The following DAB1 variants were observed in gnomAD, a reference collection of about 807,000 sequenced individuals.
DAB1 encodes DAB adaptor protein 1.
In DAB1, 15 loss-of-function variants were observed where a neutral mutation model predicts 64.6. The observed-to-expected ratio is 0.23, with a 90% CI of 0.16 to 0.36. The LOEUF is 0.36. Ranked by LOEUF, DAB1 falls within the 10% of genes least tolerant of loss-of-function variation. The pLI, the probability that DAB1 is intolerant of heterozygous loss-of-function variation, is 1.00. For missense variants in DAB1, 596 were observed against 706.7 expected, an observed-to-expected ratio of 0.84 and a Z score of 1.78; for synonymous variants, 235 against 251.9, an observed-to-expected ratio of 0.93 and a Z score of 0.64.
In DAB1 at chr1:58,518,349, A is replaced by AGAAGG. The variant is rs757786615; in HGVS notation, n.107+8907_107+8911dup. Among the ~76,000 whole-genome samples, 437 of 59,726 alleles carry AGAAGG rather than the reference A, an allele frequency of 7.3e-3. 44 individuals are homozygous for AGAAGG. Among genetic ancestry groups the AGAAGG allele is most frequent in the African/African-American group, 0.024 (371 of 15,404 alleles). 39.2% of individuals were successfully genotyped at this position (59,726 alleles called of 152,430 possible). A position where few individuals can be genotyped will look rare whatever the true frequency, so the allele number is the denominator to read the frequency against. The stretch of plus-strand genomic sequence containing the variant: ...AGAAGAGAAGAGAAGAGAAGAGAAG[A>AGAAGG]GAAGGGAAGGGAAGAGAAGAGAAGG... On this transcript the variant is annotated intron_variant and non_coding_transcript_variant, in intron 2 of 20. Coordinates refer to the DAB1 transcript ENST00000485760.
intron 5 of DAB1, among the ~76,000 whole-genome samples, chr1:58,131,922 C>T (rs1345157529): frequency 6.6e-6 from 1 of 150,862 alleles, no homozygotes; most frequent in Non-Finnish European, 1.5e-5. Context: ...TTTGTTTGTG[C>T]CCTGCCCCCA....
At chr1:57,478,865 G>C (rs1482378118) in intron 7 of DAB1, among the ~76,000 whole-genome samples, 1 of 151,824 alleles carries the variant, frequency 6.6e-6, no homozygotes, top group African/African-American at 2.4e-5. Context: ...CTCCCAAAGT[G>C]CTGGGATTAC....
intron 2 of DAB1, among the ~76,000 whole-genome samples, chr1:57,196,959 C>T (rs1664672188): frequency 6.6e-6 from 1 of 152,168 alleles, no homozygotes; most frequent in South Asian, 2.1e-4. Context: ...CTTTGTGGGT[C>T]CATTTGATCC....
intron 3 of DAB1, among the ~76,000 whole-genome samples, chr1:58,424,112 T>C (rs1348390266): frequency 6.6e-6 from 1 of 152,174 alleles, no homozygotes; most frequent in Non-Finnish European, 1.5e-5. Flanking sequence ...GGAGAGGCCT[T>C]AGTTCCAAGC....
chr1:57,239,397 T>C (rs897083170), intron 2 of DAB1, among the ~76,000 whole-genome samples: 4 of 152,246 alleles, frequency 2.6e-5, no homozygotes, highest in Admixed American at 1.3e-4. Context: ...AAGCTTCATG[T>C]GGACAAAGAA....
chr1:57,778,361 T>C (rs1198985120), intron 6 of DAB1, among the ~76,000 whole-genome samples: 1 of 151,682 alleles, frequency 6.6e-6, no homozygotes, highest in African/African-American at 2.4e-5. Context: ...CAGTTTGCCA[T>C]CCCTGCTTGA....
intron 2 of DAB1, among the ~76,000 whole-genome samples, chr1:57,285,271 CT>C (rs1360659422): frequency 1.3e-5 from 2 of 151,884 alleles, no homozygotes; most frequent in Non-Finnish European, 2.9e-5. Flanking sequence ...TTCTTTCTTT[CT>C]TTTTTTCTTT....
At chr1:58,164,555 C>A (rs1003019018) in intron 4 of DAB1, among the ~76,000 whole-genome samples, 1 of 152,166 alleles carries the variant, frequency 6.6e-6, no homozygotes, top group African/African-American at 2.4e-5. Flanking sequence ...TAATAGCATC[C>A]TTTTTTAAAA....
rs57570238 is a variant in DAB1 at position 57,687,966 on chromosome 1, G to A, written n.552-38301C>T. On this transcript the variant is annotated intron_variant and non_coding_transcript_variant, in intron 6 of 20. Coordinates refer to the DAB1 transcript ENST00000485760. ...AAATCAAATTATAAAAATCCTAGAAGAAAATCTAGGAAATATCCTTCTCAA... is the reference window on the plus strand; with the variant it reads ...AAATCAAATTATAAAAATCCTAGAAAAAAATCTAGGAAATATCCTTCTCAA... Among the ~76,000 whole-genome samples, 1,096 of 152,178 alleles carry A rather than the reference G, an allele frequency of 7.2e-3. 14 individuals are homozygous for A. The highest frequency in any genetic ancestry group is 0.024 in the African/African-American group (1,013 of 41,540).
intron 5 of DAB1, among the ~76,000 whole-genome samples, chr1:58,110,415 AAACT>A (rs2100649869): frequency 6.6e-6 from 1 of 152,330 alleles, no homozygotes; most frequent in East Asian, 1.9e-4. Flanking sequence ...TGTTAAGGAA[AAACT>A]AACTGATAAT....
chr1:57,319,201 A>G (rs1241136261), intron 1 of DAB1, among the ~76,000 whole-genome samples: 1 of 152,124 alleles, frequency 6.6e-6, no homozygotes, highest in Non-Finnish European at 1.5e-5. Flanking sequence ...CCTTCTCTGG[A>G]AACAGCTTGC....
intron 1 of DAB1, among the ~76,000 whole-genome samples, chr1:57,413,485 T>C (rs766492990): frequency 3.9e-5 from 6 of 152,152 alleles, no homozygotes; most frequent in Non-Finnish European, 7.4e-5. Context: ...CTCATGCCTG[T>C]AATCCCAGCA....
chr1:57,304,057 A>G (rs933759099), intron 1 of DAB1, among the ~76,000 whole-genome samples: 5 of 152,192 alleles, frequency 3.3e-5, no homozygotes, highest in Non-Finnish European at 5.9e-5. Context: ...GTATTGCTAT[A>G]GAGAAATACC....
chr1:57,675,723 CTATT>C (rs1345258390), intron 6 of DAB1, among the ~76,000 whole-genome samples: 1 of 152,112 alleles, frequency 6.6e-6, no homozygotes, highest in Non-Finnish European at 1.5e-5. Context: ...TTTAAATTAA[CTATT>C]TAATAAACTG....
chr1:57,061,014 G>T (rs1337646482), intron 9 of DAB1, among the ~76,000 whole-genome samples: 22 of 152,100 alleles, frequency 1.4e-4, no homozygotes, highest in Admixed American at 1.4e-3. Flanking sequence ...GTGTCATGGG[G>T]GCTGGACCAG....
At position 57,763,276 on chromosome 1, in the gene DAB1, G is replaced by A. The variant is rs556709861; in HGVS notation, n.552-113611C>T. Reference sequence around the variant, plus strand: ...AAGAGGACACTTGGAAAGAGAGTAGGCAAGAGCTTGTGTAGATACATAGCC... The same window carrying A: ...AAGAGGACACTTGGAAAGAGAGTAGACAAGAGCTTGTGTAGATACATAGCC... On this transcript the variant is annotated intron_variant and non_coding_transcript_variant, in intron 6 of 20. Coordinates refer to the DAB1 transcript ENST00000485760. Among the ~76,000 whole-genome samples, 3 of 152,306 alleles carry A rather than the reference G, an allele frequency of 2.0e-5. No homozygotes were observed. The East Asian group carries it at 5.8e-4, about 29-fold the overall frequency.
At chr1:57,011,885 A>G (rs1406557062) in intron 12 of DAB1, among the ~76,000 whole-genome samples, 1 of 152,200 alleles carries the variant, frequency 6.6e-6, no homozygotes, top group Non-Finnish European at 1.5e-5. Flanking sequence ...GGCACATAGG[A>G]GGTATTCAAT....
chr1:58,283,592 T>C (rs1179264601), intron 4 of DAB1, among the ~76,000 whole-genome samples: 1 of 152,214 alleles, frequency 6.6e-6, no homozygotes, highest in African/African-American at 2.4e-5. Context: ...TAAGTGACTG[T>C]GCAAACTTGC....
rs1165396075 is a variant in DAB1 at position 57,980,026 on chromosome 1, T to G, written n.388-95864A>C. Among the ~76,000 whole-genome samples, 4 of 152,208 alleles carry G rather than the reference T, an allele frequency of 2.6e-5. No individual in the cohort carries two copies. In the East Asian group the frequency reaches 5.8e-4, roughly 22 times the overall value. On this transcript the variant is annotated intron_variant and non_coding_transcript_variant, in intron 5 of 20. Transcript: ENST00000485760. ...TCTGTCCAGTCTTGGTCTCTAGATTTCTATTTACTCAGAGTCATCATCTAA... is the reference window on the plus strand; with the variant it reads ...TCTGTCCAGTCTTGGTCTCTAGATTGCTATTTACTCAGAGTCATCATCTAA...
Sources: gnomAD v4.1 joint callset for allele counts (sites outside exome capture counted in the v4.1 genomes callset) on GRCh38, gnomAD v4.1.1 for gene constraint, MANE v1.5 for transcripts, NCBI Gene and HGNC (gene_info 2026-07-23, HGNC 2026-07-21) for gene names.